Variants in DENND1A observed in about 807,000 individuals in gnomAD.
The protein encoded by DENND1A is DENN domain-containing protein 1A.
A neutral mutation model predicts 113.7 loss-of-function variants in DENND1A; 51 were observed. The observed-to-expected ratio is 0.45, with a 90% CI of 0.36 to 0.57. DENND1A has a LOEUF of 0.57. DENND1A is among the 20% of genes least tolerant of loss of function. The pLI, the probability that DENND1A is intolerant of heterozygous loss-of-function variation, is 0.00. For synonymous variants in DENND1A, 565 were observed against 570.8 expected (o/e 0.99, Z 0.14); for missense variants, 1,258 against 1,395.9 (o/e 0.90, Z 1.57).
At chr9:123,549,463 C>T (rs1294370364) in intron 13 of DENND1A, among the ~76,000 whole-genome samples, 1 of 152,066 alleles carries the variant, frequency 6.6e-6, no homozygotes, top group Non-Finnish European at 1.5e-5. Context: ...CCATCTTGAG[C>T]CACCGCGAGG....
At chr9:123,672,129 G>A (rs2063795154) in intron 6 of DENND1A, among the ~76,000 whole-genome samples, 3 of 152,170 alleles carry the variant, frequency 2.0e-5, no homozygotes, top group Admixed American at 1.3e-4. Context: ...AAAAGGTGAA[G>A]CAACTTGTCT....
chr9:123,381,631 G>T lies in DENND1A; in HGVS notation c.3014C>A (p.Pro1005His). Residue 1005 changes from proline to histidine, a missense_variant, in exon 24 of 24, where the codon CCT becomes CAT. Physicochemically the swap from Pro to His is moderately conservative, Grantham distance 77. Transcript: ENST00000394215. This position sits in a 1 kb window ranked among gnomAD's most constrained non-coding sequence, Gnocchi z 4.7. Reference sequence around the variant, plus strand: ...GGGAGGCAGAAGCGGGGGGTCTCCAGGCCTCAGGGCCAGCCCCTGCTTGGT... The same window carrying T: ...GGGAGGCAGAAGCGGGGGGTCTCCATGCCTCAGGGCCAGCCCCTGCTTGGT... ...AETKQGLALR[P>H]GDPPLLPPRP... 6.2e-7 allele frequency: 1 copy of T among 1,611,534 alleles called. No homozygotes were observed. Among genetic ancestry groups the T allele is most frequent in the Non-Finnish European group, 8.5e-7 (1 of 1,179,264 alleles).
intron 13 of DENND1A, among the ~76,000 whole-genome samples, chr9:123,538,333 T>C (rs545764888): frequency 1.3e-5 from 2 of 152,328 alleles, no homozygotes; most frequent in Non-Finnish European, 2.9e-5. Flanking sequence ...TACATAAGCA[T>C]ATGTTTCCTA....
intron 20 of DENND1A, among the ~76,000 whole-genome samples, chr9:123,408,212 G>GGTA (rs1166345246): frequency 1.3e-5 from 2 of 152,178 alleles, no homozygotes; most frequent in Non-Finnish European, 2.9e-5. Context: ...ATGGGAGCTT[G>GGTA]GTAGGCTGTT....
chr9:123,780,619 G>T (rs959869614), intron 3 of DENND1A, among the ~76,000 whole-genome samples: 4 of 152,188 alleles, frequency 2.6e-5, no homozygotes, highest in African/African-American at 9.7e-5. Flanking sequence ...AAGGAATGGG[G>T]AAGACTATTA....
At chr9:123,674,674 A>G (rs1314475213) in intron 6 of DENND1A, among the ~76,000 whole-genome samples, 2 of 152,200 alleles carry the variant, frequency 1.3e-5, no homozygotes, top group African/African-American at 4.8e-5. Flanking sequence ...ACATCCCAAG[A>G]GGCAGAGTCC....
chr9:123,383,363 C>T (rs1311915383), intron 23 of DENND1A, among the ~76,000 whole-genome samples: 1 of 152,198 alleles, frequency 6.6e-6, no homozygotes. Flanking sequence ...TGCAGCCCTG[C>T]CTGGGGGTGC....
At chr9:123,602,474 T>C (rs9696789) in intron 11 of DENND1A, among the ~76,000 whole-genome samples, 6 of 152,328 alleles carry the variant, frequency 3.9e-5, no homozygotes, top group Admixed American at 2.6e-4. Context: ...TCAGCTTCCC[T>C]ATCTGCAAGT....
intron 2 of DENND1A, among the ~76,000 whole-genome samples, chr9:123,854,823 T>C (rs1843914655): frequency 6.6e-6 from 1 of 151,218 alleles, no homozygotes; most frequent in Non-Finnish European, 1.5e-5. Context: ...TGGTCGAATA[T>C]ATCTTCATCT....
At chr9:123,636,697 CTT>C (rs112301152) in intron 9 of DENND1A, among the ~76,000 whole-genome samples, 5,513 of 119,590 alleles carry the variant, frequency 0.046, 116 homozygotes, top group South Asian at 0.061. Flanking sequence ...GATTACCAGA[CTT>C]TTTTTTTTTT....
chr9:123,392,014 C>T (rs540330923), intron 21 of DENND1A, among the ~76,000 whole-genome samples: 42 of 152,284 alleles, frequency 2.8e-4, no homozygotes, highest in African/African-American at 9.6e-4. Flanking sequence ...CTTGTCTCCG[C>T]GTGGAGTTCC....
At chr9:123,669,318 A>C (rs1312794799) in intron 7 of DENND1A, among the ~76,000 whole-genome samples, 1 of 152,228 alleles carries the variant, frequency 6.6e-6, no homozygotes, top group Non-Finnish European at 1.5e-5. Context: ...AGGAAAGAAA[A>C]AAAAATCTGC....
At chr9:123,495,428 G>A (rs1012091915) in intron 13 of DENND1A, among the ~76,000 whole-genome samples, 3 of 152,110 alleles carry the variant, frequency 2.0e-5, no homozygotes, top group African/African-American at 7.2e-5. Flanking sequence ...ACAACACCAC[G>A]AGTCAAAGGC....
intron 1 of DENND1A, among the ~76,000 whole-genome samples, chr9:123,880,132 C>A (rs972229060): frequency 1.3e-5 from 2 of 152,198 alleles, no homozygotes; most frequent in African/African-American, 4.8e-5. Context: ...CCTGCCTCAG[C>A]CTCCCAAGTA....
chr9:123,417,508 C>T (rs1439262462), intron 19 of DENND1A, among the ~76,000 whole-genome samples: 1 of 152,204 alleles, frequency 6.6e-6, no homozygotes, highest in East Asian at 1.9e-4. Context: ...TATGAGGTCA[C>T]ACAGCTAGTA....
chr9:123,797,714 TTAAAATTTACTTGTTACAAA>T (rs1278837058), intron 2 of DENND1A, among the ~76,000 whole-genome samples: 2 of 152,022 alleles, frequency 1.3e-5, no homozygotes, highest in Non-Finnish European at 2.9e-5. Flanking sequence ...TGTTCGATTG[TTAAAATTTACTTGTTACAAA>T]TAATATATTT....
chr9:123,866,354 GA>G (rs796184553), intron 2 of DENND1A, among the ~76,000 whole-genome samples: 150 of 152,228 alleles, frequency 9.9e-4, no homozygotes, highest in African/African-American at 3.5e-3. Flanking sequence ...ATAAGTGGAA[GA>G]AAAAAATATA....
At chr9:123,609,304 T>C (rs942741897) in intron 11 of DENND1A, 132 bp downstream of exon 11, 298 of 953,794 alleles carry the variant, frequency 3.1e-4, no homozygotes, top group Middle Eastern at 5.6e-4. Context: ...CTCAGCTCTG[T>C]ACGCTGGGAG....
At chr9:123,417,675 A>C (rs1307586770) in intron 19 of DENND1A, among the ~76,000 whole-genome samples, 1 of 152,198 alleles carries the variant, frequency 6.6e-6, no homozygotes. Context: ...CTCAGAGAAA[A>C]GGCTGATGAG....
Sources: gnomAD v4.1 joint callset for allele counts (sites outside exome capture counted in the v4.1 genomes callset) on GRCh38, gnomAD v4.1.1 for gene constraint, Gnocchi (gnomAD v3.1) non-coding constraint, MANE v1.5 for transcripts, NCBI Gene and HGNC (gene_info 2026-07-23, HGNC 2026-07-21) for gene names.